Variants in MDFIC2 observed in about 807,000 individuals in gnomAD.
The protein encoded by MDFIC2 is MyoD family inhibitor domain containing 2.
At chr3:70,222,009 T>G (rs1701464771) in intron 2 of MDFIC2, among the ~76,000 whole-genome samples, 1 of 152,124 alleles carries the variant, frequency 6.6e-6, no homozygotes, top group Non-Finnish European at 1.5e-5. Flanking sequence ...TGTCAAGTGT[T>G]CCATAGGCGA....
chr3:70,261,029 C>T (rs1701860755), intron 2 of MDFIC2, among the ~76,000 whole-genome samples: 1 of 152,134 alleles, frequency 6.6e-6, no homozygotes, highest in Non-Finnish European at 1.5e-5. Flanking sequence ...ATGAAACAGA[C>T]CTTGCACAAA....
At chr3:70,199,765 T>C (rs535010599) in intron 3 of MDFIC2, among the ~76,000 whole-genome samples, 1 of 152,296 alleles carries the variant, frequency 6.6e-6, no homozygotes, top group Non-Finnish European at 1.5e-5. Context: ...CTGCACTATT[T>C]CCTGGTGCTT....
rs35967599 is a variant in MDFIC2, at chr3:70,218,993, G to GA, written c.89-12204dup. Among the ~76,000 whole-genome samples, 96 of 150,908 alleles carry GA rather than the reference G, an allele frequency of 6.4e-4. No individual in the cohort carries two copies. The East Asian group carries it at 0.018, about 28-fold the overall frequency. On this transcript the variant is annotated intron_variant, in intron 2 of 3. Transcript: ENST00000567252. ...TTATGAAGTGTTTGGGCCATTTCAA[G>GA]AAAAAAAAAGTCCCCTTTAAAAAAG...
intron 2 of MDFIC2, among the ~76,000 whole-genome samples, chr3:70,217,523 A>C (rs749659841): frequency 6.6e-6 from 1 of 152,160 alleles, no homozygotes; most frequent in Non-Finnish European, 1.5e-5. Flanking sequence ...AGGTTTTACC[A>C]CTAAAATATT....
rs1361579738 is a variant in MDFIC2, at chr3:70,288,083, G to T, written c.88+23803C>A. 3.7e-4 allele frequency among the ~76,000 whole-genome samples: 54 copies of T among 147,244 alleles called. 1 individual carries two copies. The highest frequency in any genetic ancestry group is 8.7e-4 in the African/African-American group (35 of 40,112). The stretch of plus-strand genomic sequence containing the variant: ...TTCAGTTCTGCTCTGATTTTAGTTA[G>T]TTCTTGCCTTCTGCTAGCTTTTGAA... On this transcript the variant is annotated intron_variant, in intron 2 of 3. Coordinates refer to ENST00000567252, the MANE Select transcript of MDFIC2 (RefSeq NM_001364677.1).
intron 2 of MDFIC2, among the ~76,000 whole-genome samples, chr3:70,278,854 G>C (rs111500396): frequency 6.6e-6 from 1 of 151,764 alleles, no homozygotes; most frequent in African/African-American, 2.4e-5. Flanking sequence ...AAATCAAAGG[G>C]TTGTTGTAAA....
At chr3:70,270,415 T>C (rs1325200643) in intron 2 of MDFIC2, among the ~76,000 whole-genome samples, 6 of 152,160 alleles carry the variant, frequency 3.9e-5, no homozygotes, top group African/African-American at 1.4e-4. Context: ...CAAACACATA[T>C]AAATACAAGA....
At chr3:70,217,218 G>A (rs1240113048) in intron 2 of MDFIC2, among the ~76,000 whole-genome samples, 1 of 152,080 alleles carries the variant, frequency 6.6e-6, no homozygotes, top group Non-Finnish European at 1.5e-5. Context: ...ATTAAAGAAT[G>A]CTTAGCATTT....
chr3:70,263,511 A>T (rs1024585955), intron 2 of MDFIC2, among the ~76,000 whole-genome samples: 1 of 152,074 alleles, frequency 6.6e-6, no homozygotes, highest in Non-Finnish European at 1.5e-5. Context: ...AATTCAAGTA[A>T]TTTTCAGCCC....
At chr3:70,208,110 T>C (rs1445974405) in intron 2 of MDFIC2, among the ~76,000 whole-genome samples, 1 of 152,084 alleles carries the variant, frequency 6.6e-6, no homozygotes, top group Non-Finnish European at 1.5e-5. Context: ...ATGGTGCAGT[T>C]AGCTTATAAC....
At chr3:70,275,944 G>C (rs1467674500) in intron 2 of MDFIC2, among the ~76,000 whole-genome samples, 2 of 151,744 alleles carry the variant, frequency 1.3e-5, no homozygotes, top group Admixed American at 1.3e-4. Flanking sequence ...AATCAGCTTT[G>C]ATTAATATTC....
In MDFIC2 at chr3:70,248,205, C is replaced by G. The variant is rs1457283349; in HGVS notation, c.89-41415G>C. ...CATGAGTAAGTAAATAATTGCAAAGCATTGTAGTTATGTGCTATAAAAACA... is the reference window on the plus strand; with the variant it reads ...CATGAGTAAGTAAATAATTGCAAAGGATTGTAGTTATGTGCTATAAAAACA... On this transcript the variant is annotated intron_variant, in intron 2 of 3. Coordinates refer to ENST00000567252, the MANE Select transcript of MDFIC2 (RefSeq NM_001364677.1). 2.0e-5 allele frequency among the ~76,000 whole-genome samples: 3 copies of G among 152,104 alleles called. No individual in the cohort carries two copies. The East Asian group carries it at 5.8e-4, about 29-fold the overall frequency.
chr3:70,266,379 A>G (rs1701917237), intron 2 of MDFIC2, among the ~76,000 whole-genome samples: 1 of 151,916 alleles, frequency 6.6e-6, no homozygotes, highest in African/African-American at 2.4e-5. Flanking sequence ...TAACTGCTTC[A>G]CTTCTCTACT....
chr3:70,297,475 T>A (rs773815282), intron 2 of MDFIC2, among the ~76,000 whole-genome samples: 1 of 152,130 alleles, frequency 6.6e-6, no homozygotes, highest in Non-Finnish European at 1.5e-5. Context: ...TGGTTACTAA[T>A]GACAAATTTA....
At chr3:70,198,235 C>T (rs1045253150) in intron 3 of MDFIC2, among the ~76,000 whole-genome samples, 1 of 152,042 alleles carries the variant, frequency 6.6e-6, no homozygotes. Flanking sequence ...TCTAGATGGG[C>T]TTATCAATTG....
At chr3:70,241,164 T>C (rs1285373841) in intron 2 of MDFIC2, among the ~76,000 whole-genome samples, 1 of 151,948 alleles carries the variant, frequency 6.6e-6, no homozygotes, top group African/African-American at 2.4e-5. Flanking sequence ...TTCCTGGGAG[T>C]TGAGATATTT....
At chr3:70,296,895 C>G (rs900992048) in intron 2 of MDFIC2, among the ~76,000 whole-genome samples, 2 of 151,906 alleles carry the variant, frequency 1.3e-5, no homozygotes, top group East Asian at 1.9e-4. Flanking sequence ...TCCCATTGCC[C>G]TTAGAGTAAA....
chr3:70,211,507 GCCCTT>G (rs1322577488), intron 2 of MDFIC2, among the ~76,000 whole-genome samples: 1,230 of 5,268 alleles, frequency 0.23, 221 homozygotes, highest in African/African-American at 0.35. Context: ...CCTTCCCTTT[GCCCTT>G]CCCTTCCCTT....
chr3:70,199,919 G>A (rs893813012), intron 3 of MDFIC2, among the ~76,000 whole-genome samples: 2 of 152,064 alleles, frequency 1.3e-5, no homozygotes, highest in Admixed American at 1.3e-4. Context: ...ACTTACCAAG[G>A]CCAAACTGCA....
Sources: allele counts gnomAD v4.1 joint callset (sites outside exome capture counted in the v4.1 genomes callset), GRCh38; gene constraint gnomAD v4.1.1; transcripts MANE v1.5; gene names NCBI Gene and HGNC (gene_info 2026-07-23, HGNC 2026-07-21).